EMC8: variants seen among roughly 807,000 people sequenced by gnomAD.
EMC8 encodes the protein COX4 neighbor.
EMC8 carries 11 observed loss-of-function variants against 24.3 expected under a neutral mutation model. The ratio of observed to expected loss-of-function variants is 0.45; its 90% CI spans 0.28 to 0.75. The LOEUF (loss-of-function observed/expected upper bound fraction) is 0.75. Among genes scored for constraint, EMC8 ranks in the 30% least tolerant of loss-of-function variants. The probability of loss-of-function intolerance (pLI) is 0.12; values close to 1 mark genes in which losing one functional copy is unlikely to be tolerated. For synonymous variants in EMC8, 145 were observed against 117.7 expected (o/e 1.23, Z -1.50); for missense variants, 277 against 282.7 (o/e 0.98, Z 0.14).
At chr16:85,793,427 G>T (rs1320224003) in intron 1 of EMC8, among the ~76,000 whole-genome samples, 1 of 152,182 alleles carries the variant, frequency 6.6e-6, no homozygotes, top group African/African-American at 2.4e-5. Flanking sequence ...GAATGAGAAG[G>T]AGTGGGAACC....
intron 1 of EMC8, among the ~76,000 whole-genome samples, chr16:85,797,498 C>T (rs565434505): frequency 1.3e-5 from 2 of 152,356 alleles, no homozygotes; most frequent in African/African-American, 2.4e-5. Flanking sequence ...CAGATATCTT[C>T]AAGAGCTAAA....
At chr16:85,793,508 G>C (rs915723813) in intron 1 of EMC8, among the ~76,000 whole-genome samples, 1 of 152,136 alleles carries the variant, frequency 6.6e-6, no homozygotes, top group Non-Finnish European at 1.5e-5. Flanking sequence ...AACTCAAAGG[G>C]GGAACCACAG....
chr16:85,780,028 G>A, intron 4 of EMC8, 161 bp from the exon 5 acceptor site: 3 of 631,146 alleles, frequency 4.8e-6, no homozygotes, highest in East Asian at 2.7e-5. Flanking sequence ...GGTATACAGA[G>A]CATAGAAGAC....
At chr16:85,792,223 T>C (rs2152075796) in intron 1 of EMC8, among the ~76,000 whole-genome samples, 1 of 152,294 alleles carries the variant, frequency 6.6e-6, no homozygotes, top group Admixed American at 6.5e-5. Flanking sequence ...TCAACTTACA[T>C]TTTGCCTGCT....
At chr16:85,781,397 C>G in intron 2 of EMC8, 117 bp from the exon 3 acceptor site, 1 of 737,480 alleles carries the variant, frequency 1.4e-6, no homozygotes, top group Non-Finnish European at 2.5e-6. Context: ...GCAGAGCCAA[C>G]AGGCTGCACG....
intron 1 of EMC8, among the ~76,000 whole-genome samples, chr16:85,795,691 C>T (rs925224354): frequency 3.9e-5 from 6 of 152,198 alleles, no homozygotes; most frequent in African/African-American, 1.4e-4. Flanking sequence ...GTATCCTTTG[C>T]AGTGTCCTGT....
intron 1 of EMC8, chr16:85,798,775 T>C (rs867188509): frequency 5.2e-6 from 2 of 380,986 alleles, no homozygotes; most frequent in South Asian, 8.2e-5. Context: ...AAGTGAACGA[T>C]GACTTGTTTC....
intron 3 of EMC8, 29 bp from the exon 4 acceptor site, chr16:85,780,502 G>T (rs756475406): frequency 1.1e-5 from 17 of 1,558,386 alleles, no homozygotes; most frequent in Non-Finnish European, 1.4e-5. Flanking sequence ...ACACGAGAGT[G>T]AACAGAATGC....
intron 3 of EMC8, 144 bp downstream of exon 3, chr16:85,781,067 G>T: frequency 1.6e-6 from 1 of 632,620 alleles, no homozygotes; most frequent in Non-Finnish European, 2.8e-6. Context: ...GTCTGCAGCT[G>T]AGAGAAAACT....
chr16:85,793,638 G>A (rs1436772816), intron 1 of EMC8, among the ~76,000 whole-genome samples: 3 of 152,198 alleles, frequency 2.0e-5, no homozygotes, highest in African/African-American at 7.2e-5. Context: ...CAGAGGACAG[G>A]CCCACATGGA....
At chr16:85,784,455 GT>G (rs1214607348) in intron 2 of EMC8, 1 of 152,082 alleles carries the variant, frequency 6.6e-6, no homozygotes, top group African/African-American at 2.4e-5. Flanking sequence ...TTGTATTTTC[GT>G]TTTCAAAATT....
At chr16:85,783,702 T>C (rs1904618338) in intron 2 of EMC8, among the ~76,000 whole-genome samples, 1 of 152,176 alleles carries the variant, frequency 6.6e-6, no homozygotes, top group Non-Finnish European at 1.5e-5. Context: ...CTACATGTCA[T>C]CTGCCTCACA....
intron 1 of EMC8, among the ~76,000 whole-genome samples, chr16:85,793,805 A>C (rs977313493): frequency 6.6e-6 from 1 of 152,216 alleles, no homozygotes; most frequent in Non-Finnish European, 1.5e-5. Flanking sequence ...GGTTCAAGCT[A>C]ATTTCCATAC....
At chr16:85,780,284 A>C (rs1302871935) in intron 4 of EMC8, 95 bp downstream of exon 4, 2 of 884,080 alleles carry the variant, frequency 2.3e-6, no homozygotes, top group East Asian at 5.1e-5. Flanking sequence ...TTCTGGAGAA[A>C]ACGCTAACTG....
chr16:85,782,380 T>C (rs1904549104), intron 2 of EMC8, among the ~76,000 whole-genome samples: 1 of 152,194 alleles, frequency 6.6e-6, no homozygotes, highest in Admixed American at 6.5e-5. Context: ...GAGCTAATAA[T>C]AGAGCAGCTC....
At chr16:85,792,805 C>T (rs945640168) in intron 1 of EMC8, 14 of 152,144 alleles carry the variant, frequency 9.2e-5, no homozygotes, top group Non-Finnish European at 4.4e-5. Context: ...AAGGCACAGC[C>T]GAGAAGCCAC....
chr16:85,779,576 T>A lies in EMC8; in HGVS notation c.*132A>T. The A allele has an allele frequency of 1.1e-6, 1 of 913,426 alleles. No homozygotes were observed. Among genetic ancestry groups the A allele is most frequent in the South Asian group, 1.5e-5 (1 of 64,670 alleles). The allele number at this position is 913,426 out of a possible 1,614,324, so 56.6% of individuals were successfully genotyped here. A position where few individuals can be genotyped will look rare whatever the true frequency, so the allele number is the denominator to read the frequency against. ...GACCGACTGAACATTCTGCCCCCTT[T>A]CAAGGCACATGCCACTTCTTAAAAC... is the stretch of plus-strand genomic sequence containing the variant. On this transcript the variant is annotated 3_prime_UTR_variant, in exon 5 of 5. Transcript: ENST00000253457.
intron 1 of EMC8, among the ~76,000 whole-genome samples, chr16:85,798,092 C>T (rs1275412627): frequency 7.0e-6 from 1 of 142,914 alleles, no homozygotes; most frequent in Non-Finnish European, 1.5e-5. Flanking sequence ...TCTGCTCCTG[C>T]TGTTTAATGT....
In EMC8 at chr16:85,779,655, T is replaced by A. The variant is rs1904395631; in HGVS notation, c.*53A>T. On this transcript the variant is annotated 3_prime_UTR_variant, in exon 5 of 5. Coordinates refer to ENST00000253457, the MANE Select transcript of EMC8 (RefSeq NM_006067.5). ...ATTTTATTTACATTTAAAAATAGGT[T>A]TTCTTCTTCAACGTAGTGGAAAGGC... The A allele has an allele frequency of 6.4e-7, 1 of 1,564,450 alleles. No individual in the cohort carries two copies. The highest frequency in any genetic ancestry group is 8.8e-7 in the Non-Finnish European group (1 of 1,137,306).
Sources: allele counts gnomAD v4.1 joint callset (sites outside exome capture counted in the v4.1 genomes callset), GRCh38; gene constraint gnomAD v4.1.1; transcripts MANE v1.5; gene names NCBI Gene and HGNC (gene_info 2026-07-23, HGNC 2026-07-21).